PTPRQ: variants seen among roughly 807,000 people sequenced by gnomAD.
PTPRQ encodes the protein phosphatidylinositol phosphatase PTPRQ.
Under a neutral mutation model 246.0 loss-of-function variants are expected in PTPRQ, and 199 were observed. That is an observed-to-expected ratio of 0.81 (90% CI 0.72 to 0.91). PTPRQ has a LOEUF of 0.91. Ranked by LOEUF, PTPRQ falls within the 40% of genes least tolerant of loss-of-function variation. PTPRQ has a pLI of 0.00. For missense variants in PTPRQ, 2,624 were observed against 2,528.4 expected, an observed-to-expected ratio of 1.04 and a Z score of -0.81; for synonymous variants, 869 against 853.2, an observed-to-expected ratio of 1.02 and a Z score of -0.32.
chr12:80,477,437 T>C (rs976675738), intron 8 of PTPRQ, among the ~76,000 whole-genome samples: 2 of 152,348 alleles, frequency 1.3e-5, no homozygotes, highest in Admixed American at 6.5e-5. Flanking sequence ...AATTAATTTG[T>C]TTCAAACAAA....
chr12:80,610,596 C>G lies in PTPRQ; in HGVS notation c.4889C>G (p.Ala1630Gly), dbSNP rs768974127. Residue 1630 changes from alanine (A) to glycine (G), a missense_variant, in exon 28 of 45, where the codon GCT becomes GGT. Coordinates refer to ENST00000644991, the MANE Select transcript of PTPRQ (RefSeq NM_001145026.2). ...SAAYVEGKSS[A>G]EMIVTTLESA... ...GCATATGTAGAAGGGAAGTCAAGTG[C>G]TGAAATGATTGTTACTACTTTAGAA... The G allele has an allele frequency of 6.5e-6, 10 of 1,543,046 alleles. No homozygotes were observed. The highest frequency in any genetic ancestry group is 8.8e-6 in the Non-Finnish European group (10 of 1,141,082).
At chr12:80,541,524 A>G in intron 20 of PTPRQ, 31 bp from the exon 21 acceptor site, 4 of 1,404,340 alleles carry the variant, frequency 2.8e-6, no homozygotes, top group Non-Finnish European at 3.7e-6. Flanking sequence ...GTAACTGATG[A>G]TTTTTGTATT....
At chr12:80,548,756 A>G (rs1456475680) in intron 24 of PTPRQ, among the ~76,000 whole-genome samples, 4 of 152,192 alleles carry the variant, frequency 2.6e-5, no homozygotes, top group African/African-American at 9.6e-5. Context: ...CTAATTGGAC[A>G]TTTCTGTGGG....
At chr12:80,612,786 T>G (rs989148906) in intron 28 of PTPRQ, among the ~76,000 whole-genome samples, 1 of 150,366 alleles carries the variant, frequency 6.7e-6, no homozygotes, top group Non-Finnish European at 1.5e-5. Flanking sequence ...AACCCAAATG[T>G]TTTTCCATGA....
At chr12:80,541,031 A>G (rs1896134811) in intron 20 of PTPRQ, among the ~76,000 whole-genome samples, 1 of 152,064 alleles carries the variant, frequency 6.6e-6, no homozygotes, top group South Asian at 2.1e-4. Context: ...TACAAATGTG[A>G]GTTGGTAGTC....
intron 6 of PTPRQ, among the ~76,000 whole-genome samples, chr12:80,465,791 G>C (rs1325514642): frequency 6.6e-6 from 1 of 152,098 alleles, no homozygotes; most frequent in Non-Finnish European, 1.5e-5. Flanking sequence ...AAAGGCCTTT[G>C]ACAAAATTCA....
At chr12:80,575,623 C>G (rs543757886) in intron 25 of PTPRQ, among the ~76,000 whole-genome samples, 6 of 151,238 alleles carry the variant, frequency 4.0e-5, no homozygotes, top group Admixed American at 4.0e-4. Flanking sequence ...GGGCAGATCT[C>G]CAGGTCAGGA....
At chr12:80,583,705 A>G (rs1897519477) in intron 25 of PTPRQ, 1 of 152,180 alleles carries the variant, frequency 6.6e-6, no homozygotes, top group Non-Finnish European at 1.5e-5. Flanking sequence ...AACAATACCC[A>G]TTTATTAGCT....
At chr12:80,466,619 A>G (rs1203531977) in intron 6 of PTPRQ, among the ~76,000 whole-genome samples, 3 of 152,242 alleles carry the variant, frequency 2.0e-5, no homozygotes, top group African/African-American at 7.2e-5. Flanking sequence ...CTACAAGGCT[A>G]CAGTAACCAA....
chr12:80,451,972 T>C lies in PTPRQ; in HGVS notation c.391-5603T>C, dbSNP rs1333941773. Among the ~76,000 whole-genome samples, 91 of 20,412 alleles carry C rather than the reference T, an allele frequency of 4.5e-3. 5 individuals are homozygous for C. The highest frequency in any genetic ancestry group is 0.038 in the South Asian group (28 of 744). The allele number at this position is 20,412 out of a possible 152,430, so 13.4% of individuals were successfully genotyped here. A position where few individuals can be genotyped will look rare whatever the true frequency, so the allele number is the denominator to read the frequency against. On this transcript the variant is annotated intron_variant, in intron 3 of 44. Coordinates refer to ENST00000644991, the MANE Select transcript of PTPRQ (RefSeq NM_001145026.2). ...TAATGTTGACAGTGGGGTGTTAAAG[T>C]CTCCCATTATTATTGTATGGGAGTC...
chr12:80,510,298 A>G (rs1592597302), intron 16 of PTPRQ, 25 bp from the exon 17 acceptor site: 1 of 1,486,804 alleles, frequency 6.7e-7, no homozygotes. Flanking sequence ...AATAAAACAC[A>G]TTATTCTATA....
At chr12:80,489,378 G>T (rs1371190834) in intron 9 of PTPRQ, among the ~76,000 whole-genome samples, 1 of 148,918 alleles carries the variant, frequency 6.7e-6, no homozygotes, top group Non-Finnish European at 1.5e-5. Flanking sequence ...TCTTTGGGGG[G>T]ACAATAAAGC....
Position 80,444,807 on chromosome 12 carries a change from T to C in PTPRQ, c.121T>C (p.Tyr41His), listed in dbSNP as rs369812501. 7 of 1,538,578 alleles carry C rather than the reference T, an allele frequency of 4.5e-6. No individual in the cohort carries two copies. Among genetic ancestry groups the C allele is most frequent in the Middle Eastern group, 1.7e-4 (1 of 5,802 alleles). Reference protein sequence around the residue: ...DITISSISTTYTSPVTRIVTT... With the variant: ...DITISSISTTHTSPVTRIVTT... ...AACCATCTCTTCAATTTCTACAACA[T>C]ACACCTCACCTGTTACTAGAATAGT... Residue 41 changes from tyrosine to histidine, a missense_variant, in exon 2 of 45, where the codon TAC (tyrosine) becomes CAC (histidine). Transcript: ENST00000644991.
At chr12:80,463,436 A>T (rs556299924) in intron 6 of PTPRQ, among the ~76,000 whole-genome samples, 2 of 152,228 alleles carry the variant, frequency 1.3e-5, no homozygotes, top group South Asian at 2.1e-4. Context: ...AAGTTGGAAA[A>T]CACTCTGCAG....
At chr12:80,478,281 A>T (rs1319762462) in intron 8 of PTPRQ, among the ~76,000 whole-genome samples, 1 of 151,896 alleles carries the variant, frequency 6.6e-6, no homozygotes, top group South Asian at 2.1e-4. Flanking sequence ...CTGACACCTC[A>T]CATGGCCAGG....
intron 35 of PTPRQ, among the ~76,000 whole-genome samples, chr12:80,640,113 A>G (rs1307083163): frequency 1.3e-5 from 2 of 151,910 alleles, no homozygotes; most frequent in Non-Finnish European, 2.9e-5. Context: ...TTTCTTAAAT[A>G]GACAAAGACC....
At chr12:80,569,284 C>T (rs1392464610) in intron 25 of PTPRQ, among the ~76,000 whole-genome samples, 4 of 149,666 alleles carry the variant, frequency 2.7e-5, no homozygotes, top group Admixed American at 6.7e-5. Flanking sequence ...CTACAAAGGA[C>T]GTGAACTCAT....
chr12:80,477,052 T>C (rs1430204879), intron 8 of PTPRQ, among the ~76,000 whole-genome samples: 5 of 152,196 alleles, frequency 3.3e-5, no homozygotes, highest in Non-Finnish European at 7.4e-5. Flanking sequence ...CCTGTGAAAC[T>C]GGGAAGTTCC....
intron 20 of PTPRQ, 52 bp downstream of exon 20, chr12:80,539,996 A>G: frequency 5.3e-6 from 7 of 1,329,304 alleles, no homozygotes; most frequent in Non-Finnish European, 6.9e-6. Flanking sequence ...AAAACTTATT[A>G]TTTTAGGAAA....
Sources: allele counts gnomAD v4.1 joint callset (sites outside exome capture counted in the v4.1 genomes callset), GRCh38; gene constraint gnomAD v4.1.1; transcripts MANE v1.5; gene names NCBI Gene and HGNC (gene_info 2026-07-23, HGNC 2026-07-21).